The following ERBB4 variants were observed in gnomAD, a reference collection of about 807,000 sequenced individuals.
The protein encoded by ERBB4 is receptor tyrosine-protein kinase erbB-4.
Under a neutral mutation model 158.0 loss-of-function variants are expected in ERBB4, and 42 were observed. The observed-to-expected ratio is 0.27, with a 90% confidence interval of 0.21 to 0.34. The LOEUF is 0.34. Among genes scored for constraint, ERBB4 ranks in the 10% least tolerant of loss-of-function variants. ERBB4 has a pLI of 1.00. For synonymous variants in ERBB4, 583 were observed against 558.7 expected, an observed-to-expected ratio of 1.04 and a Z score of -0.61; for missense variants, 1,333 against 1,624.1, an observed-to-expected ratio of 0.82 and a Z score of 3.08.
At chr2:211,832,279 T>A (rs962517832) in intron 3 of ERBB4, among the ~76,000 whole-genome samples, 10 of 152,294 alleles carry the variant, frequency 6.6e-5, no homozygotes, top group African/African-American at 2.4e-4. Context: ...GAGATGCATA[T>A]GCCTGAGTAT....
At chr2:211,830,147 G>A (rs1213266175) in intron 3 of ERBB4, among the ~76,000 whole-genome samples, 1 of 152,092 alleles carries the variant, frequency 6.6e-6, no homozygotes, top group African/African-American at 2.4e-5. Flanking sequence ...ACTCTTTCTT[G>A]GGGACTGTGT....
At chr2:211,533,478 G>A (rs1025876955) in intron 20 of ERBB4, among the ~76,000 whole-genome samples, 3 of 151,768 alleles carry the variant, frequency 2.0e-5, no homozygotes, top group African/African-American at 7.3e-5. Flanking sequence ...GTTGAATTTT[G>A]GAAATGAAAA....
intron 16 of ERBB4, among the ~76,000 whole-genome samples, chr2:211,642,078 T>C (rs796622516): frequency 1.4e-4 from 22 of 152,232 alleles, no homozygotes; most frequent in African/African-American, 5.3e-4. Context: ...TGTGACTCTT[T>C]AGTATTTGGA....
chr2:211,921,757 T>G (rs1187359747), intron 3 of ERBB4, among the ~76,000 whole-genome samples: 1 of 151,876 alleles, frequency 6.6e-6, no homozygotes, highest in African/African-American at 2.4e-5. Context: ...GACAAGTAAA[T>G]GATGAGAAGG....
chr2:212,470,340 A>G (rs951860156), intron 1 of ERBB4, among the ~76,000 whole-genome samples: 27 of 152,084 alleles, frequency 1.8e-4, no homozygotes, highest in Non-Finnish European at 4.0e-4. Flanking sequence ...TGAAAAAAAA[A>G]TACGTGCCTT....
intron 20 of ERBB4, among the ~76,000 whole-genome samples, chr2:211,475,951 C>T (rs995128412): frequency 5.9e-5 from 9 of 152,074 alleles, no homozygotes; most frequent in East Asian, 3.9e-4. Context: ...AATAACTACA[C>T]GATCAATTCC....
chr2:212,450,821 G>GA (rs57931477), intron 1 of ERBB4, among the ~76,000 whole-genome samples: 23,921 of 92,712 alleles, frequency 0.26, 2,481 homozygotes, highest in African/African-American at 0.32. Context: ...TTTCAGCCGA[G>GA]AAAAAAAAAA....
chr2:211,377,602 A>G lies in ERBB4; in HGVS notation c.*6013T>C, dbSNP rs2062498214. 1 of 232,422 alleles carries G rather than the reference A, an allele frequency of 4.3e-6. No homozygotes were observed. The highest frequency in any genetic ancestry group is 1.8e-4 in the South Asian group (1 of 5,530). The allele number at this position is 232,422 out of a possible 1,614,324, so 14.4% of individuals were successfully genotyped here. On this transcript the variant is annotated 3_prime_UTR_variant, in exon 28 of 28. Coordinates refer to ENST00000342788, the MANE Select transcript of ERBB4 (RefSeq NM_005235.3). ...TTGCAGGTGGTTATCAAAGCTGAAT[A>G]GCCTTTACCTTTATGATAATAAGAC...
intron 1 of ERBB4, among the ~76,000 whole-genome samples, chr2:212,431,242 C>A (rs546893937): frequency 3.0e-4 from 43 of 144,488 alleles, no homozygotes; most frequent in Non-Finnish European, 5.1e-4. Flanking sequence ...CTAAACAGCT[C>A]CTTTCATGGT....
chr2:211,967,742 A>G (rs1241583810), intron 2 of ERBB4, among the ~76,000 whole-genome samples: 1 of 152,040 alleles, frequency 6.6e-6, no homozygotes, highest in African/African-American at 2.4e-5. Flanking sequence ...AGTTGGCATA[A>G]TCTAGAATTC....
chr2:211,630,766 G>C (rs368509354), intron 16 of ERBB4, among the ~76,000 whole-genome samples, 172 bp from the exon 17 acceptor site: 1 of 152,218 alleles, frequency 6.6e-6, no homozygotes, highest in African/African-American at 2.4e-5. Context: ...CCTTTCTCAT[G>C]GTAAAAACTA....
chr2:211,722,637 A>T, intron 6 of ERBB4, 103 bp from the exon 7 acceptor site: 1 of 1,160,492 alleles, frequency 8.6e-7, no homozygotes, highest in African/African-American at 1.5e-5. Context: ...ATAATTCCAC[A>T]AATATTACAA....
At chr2:211,571,704 T>A (rs974303028) in intron 19 of ERBB4, among the ~76,000 whole-genome samples, 6 of 152,218 alleles carry the variant, frequency 3.9e-5, no homozygotes, top group African/African-American at 7.2e-5. Context: ...TATTCATTGG[T>A]TTATCACCAA....
chr2:211,507,376 C>A (rs753898478), intron 20 of ERBB4, among the ~76,000 whole-genome samples: 3 of 152,026 alleles, frequency 2.0e-5, no homozygotes, highest in Non-Finnish European at 4.4e-5. Context: ...AAATAAAACC[C>A]TGAAACCCAT....
intron 12 of ERBB4, among the ~76,000 whole-genome samples, chr2:211,699,894 C>T (rs932781395): frequency 2.0e-5 from 3 of 151,986 alleles, no homozygotes; most frequent in African/African-American, 4.8e-5. Context: ...ATCCCTTTTT[C>T]CCATCTTGCT....
intron 2 of ERBB4, among the ~76,000 whole-genome samples, chr2:212,024,510 T>C (rs1336467277): frequency 6.6e-6 from 1 of 152,000 alleles, no homozygotes; most frequent in Non-Finnish European, 1.5e-5. Flanking sequence ...GCTCAAGTTG[T>C]TCCTTAGATC....
At chr2:211,776,848 G>C (rs1368745729) in intron 4 of ERBB4, among the ~76,000 whole-genome samples, 1 of 152,136 alleles carries the variant, frequency 6.6e-6, no homozygotes, top group Non-Finnish European at 1.5e-5. Context: ...TATTAGGGCA[G>C]AGGTTTAGTT....
intron 3 of ERBB4, among the ~76,000 whole-genome samples, chr2:211,920,668 A>G (rs914796168): frequency 2.6e-5 from 4 of 151,180 alleles, no homozygotes; most frequent in Non-Finnish European, 5.9e-5. Context: ...AAAAGCCAGT[A>G]GCTGATATTA....
At chr2:211,951,463 G>C (rs145570578) in intron 2 of ERBB4, among the ~76,000 whole-genome samples, 41 of 152,214 alleles carry the variant, frequency 2.7e-4, no homozygotes, top group African/African-American at 9.4e-4. Flanking sequence ...AACTAATGCA[G>C]AAGAGGATGC....
Sources: allele counts gnomAD v4.1 joint callset (sites outside exome capture counted in the v4.1 genomes callset), GRCh38; gene constraint gnomAD v4.1.1; transcripts MANE v1.5; gene names NCBI Gene and HGNC (gene_info 2026-07-23, HGNC 2026-07-21).